CDH8: variants seen among roughly 807,000 people sequenced by gnomAD.
CDH8 encodes cadherin 8.
Under a neutral mutation model 68.1 loss-of-function variants are expected in CDH8, and 17 were observed. That is an observed-to-expected ratio of 0.25 (90% CI 0.17 to 0.37). CDH8 has a LOEUF of 0.37. Among genes scored for constraint, CDH8 ranks in the 10% least tolerant of loss-of-function variants. The pLI is 1.00. For missense variants in CDH8, 763 were observed against 999.3 expected (o/e 0.76, Z 3.19); for synonymous variants, 372 against 365.1 (o/e 1.02, Z -0.21).
At chr16:61,718,261 A>G in intron 9 of CDH8, among the ~76,000 whole-genome samples, 1 of 151,402 alleles carries the variant, frequency 6.6e-6, no homozygotes, top group East Asian at 2.0e-4. Flanking sequence ...TAACCAGTAA[A>G]ATGCACACCA....
chr16:61,839,309 A>G (rs752731014), intron 4 of CDH8, among the ~76,000 whole-genome samples: 5 of 152,138 alleles, frequency 3.3e-5, no homozygotes, highest in East Asian at 3.9e-4. Flanking sequence ...GAACCTATCA[A>G]TCAGCCACTC....
intron 2 of CDH8, among the ~76,000 whole-genome samples, chr16:61,956,488 T>C (rs1023432091): frequency 6.6e-6 from 1 of 152,176 alleles, no homozygotes; most frequent in African/African-American, 2.4e-5. Flanking sequence ...TTCTTTAATG[T>C]TATCTAATTT....
At chr16:61,668,342 C>T (rs1190611374) in intron 10 of CDH8, among the ~76,000 whole-genome samples, 1 of 151,796 alleles carries the variant, frequency 6.6e-6, no homozygotes, top group Non-Finnish European at 1.5e-5. Context: ...TTTTTCTCTG[C>T]TCTTAATTAG....
intron 2 of CDH8, among the ~76,000 whole-genome samples, chr16:61,929,155 C>T (rs536366879): frequency 9.2e-5 from 14 of 152,238 alleles, no homozygotes; most frequent in Middle Eastern, 3.4e-3. Context: ...ATGATCTGCC[C>T]GCTTCAGCCT....
intron 2 of CDH8, among the ~76,000 whole-genome samples, chr16:61,910,903 G>A (rs938050768): frequency 1.3e-5 from 2 of 152,246 alleles, no homozygotes; most frequent in South Asian, 2.1e-4. Flanking sequence ...TGAGCTTAAC[G>A]TCTTACATTG....
intron 2 of CDH8, among the ~76,000 whole-genome samples, chr16:61,998,612 A>T (rs911532877): frequency 6.6e-6 from 1 of 152,152 alleles, no homozygotes; most frequent in Non-Finnish European, 1.5e-5. Context: ...CTCACCTTGT[A>T]ATTAAACAAG....
intron 4 of CDH8, among the ~76,000 whole-genome samples, chr16:61,847,929 T>C (rs568846754): frequency 1.3e-5 from 2 of 151,710 alleles, no homozygotes; most frequent in African/African-American, 4.8e-5. Context: ...ACACACTTTT[T>C]TATTGTAAAA....
intron 4 of CDH8, among the ~76,000 whole-genome samples, chr16:61,832,254 A>C (rs1177622734): frequency 6.6e-6 from 1 of 151,762 alleles, no homozygotes; most frequent in Non-Finnish European, 1.5e-5. Flanking sequence ...CAAAGAAAAC[A>C]GCACTTCCCT....
intron 10 of CDH8, among the ~76,000 whole-genome samples, chr16:61,706,561 C>T (rs1964537043): frequency 7.1e-6 from 1 of 141,110 alleles, no homozygotes; most frequent in Non-Finnish European, 1.5e-5. Context: ...GCGGAGCCTG[C>T]AGTGAGCCGA....
At chr16:61,968,324 G>A (rs1965287297) in intron 2 of CDH8, among the ~76,000 whole-genome samples, 1 of 152,160 alleles carries the variant, frequency 6.6e-6, no homozygotes, top group African/African-American at 2.4e-5. Flanking sequence ...ATTGAGTGAT[G>A]TGTCAAGTTT....
At chr16:61,863,941 ATTTAT>A (rs1963203394) in intron 3 of CDH8, among the ~76,000 whole-genome samples, 1 of 152,206 alleles carries the variant, frequency 6.6e-6, no homozygotes, top group Admixed American at 6.5e-5. Flanking sequence ...AACTGCGTTC[ATTTAT>A]TTTAATAAAA....
chr16:61,839,279 C>T (rs1032235088), intron 4 of CDH8, among the ~76,000 whole-genome samples: 3 of 152,142 alleles, frequency 2.0e-5, no homozygotes, highest in East Asian at 1.9e-4. Flanking sequence ...AAAGATAAGA[C>T]GATGTTGTTG....
chr16:61,858,071 A>G (rs554426147), intron 3 of CDH8, among the ~76,000 whole-genome samples: 2 of 150,054 alleles, frequency 1.3e-5, no homozygotes, highest in Non-Finnish European at 3.0e-5. Flanking sequence ...ATAATCAAAC[A>G]CACACACACA....
At chr16:61,669,611 T>A (rs1332720530) in intron 10 of CDH8, among the ~76,000 whole-genome samples, 1 of 152,094 alleles carries the variant, frequency 6.6e-6, no homozygotes, top group Middle Eastern at 3.2e-3. Flanking sequence ...AGACTCTAAC[T>A]AGTCAAAATA....
chr16:61,660,013 G>T (rs1039136662), intron 10 of CDH8, among the ~76,000 whole-genome samples: 6 of 152,130 alleles, frequency 3.9e-5, no homozygotes, highest in Non-Finnish European at 8.8e-5. Flanking sequence ...ATCAAGGAGA[G>T]CCCTGCCCAA....
intron 2 of CDH8, among the ~76,000 whole-genome samples, chr16:61,977,418 C>A (rs191706818): frequency 2.0e-5 from 3 of 152,070 alleles, no homozygotes; most frequent in Non-Finnish European, 2.9e-5. Flanking sequence ...TTCTTCCCAA[C>A]AAAATTGAAA....
intron 2 of CDH8, among the ~76,000 whole-genome samples, chr16:61,984,456 G>GTT (rs568736161): frequency 1.4e-5 from 2 of 142,214 alleles, no homozygotes; most frequent in African/African-American, 5.1e-5. Flanking sequence ...TGTCTTTTAC[G>GTT]TTTTTTTTTT....
At chr16:61,920,942 A>G (rs917384507) in intron 2 of CDH8, among the ~76,000 whole-genome samples, 4 of 148,276 alleles carry the variant, frequency 2.7e-5, no homozygotes, top group Non-Finnish European at 4.5e-5. Flanking sequence ...TGATGACTTC[A>G]TGTCCTTTGT....
At chr16:61,673,034 A>T (rs1963829008) in intron 10 of CDH8, among the ~76,000 whole-genome samples, 1 of 152,160 alleles carries the variant, frequency 6.6e-6, no homozygotes, top group African/African-American at 2.4e-5. Flanking sequence ...GTTATGAACC[A>T]AATTCTGAAA....
Sources: gnomAD v4.1 joint callset for allele counts (sites outside exome capture counted in the v4.1 genomes callset) on GRCh38, gnomAD v4.1.1 for gene constraint, MANE v1.5 for transcripts, NCBI Gene and HGNC (gene_info 2026-07-23, HGNC 2026-07-21) for gene names.